Variants in NTM observed in about 807,000 individuals in gnomAD.
The protein encoded by NTM is neurotrimin, also known as IgLON family member 2.
Under a neutral mutation model 42.1 loss-of-function variants are expected in NTM, and 13 were observed. The ratio of observed to expected loss-of-function variants is 0.31; its 90% CI spans 0.20 to 0.49. The LOEUF (loss-of-function observed/expected upper bound fraction) is 0.49. Among genes scored for constraint, NTM ranks in the 20% least tolerant of loss-of-function variants. The pLI, the probability that NTM is intolerant of heterozygous loss-of-function variation, is 0.99. For synonymous variants in NTM, 187 were observed against 179.2 expected (o/e 1.04, Z -0.35); for missense variants, 373 against 452.8 (o/e 0.82, Z 1.60).
chr11:131,552,674 C>T (rs541601128), intron 1 of NTM, among the ~76,000 whole-genome samples: 38 of 151,934 alleles, frequency 2.5e-4, no homozygotes, highest in Middle Eastern at 3.4e-3. Context: ...AAAAATTAGC[C>T]GGGCATGGTG....
At chr11:131,619,084 C>T (rs576696229) in intron 1 of NTM, among the ~76,000 whole-genome samples, 1 of 152,266 alleles carries the variant, frequency 6.6e-6, no homozygotes, top group South Asian at 2.1e-4. Flanking sequence ...AAGAGCTCTG[C>T]CTTTGGAGGG....
intron 4 of NTM, among the ~76,000 whole-genome samples, chr11:132,295,175 A>C (rs1188670748): frequency 2.0e-5 from 3 of 152,080 alleles, no homozygotes; most frequent in African/African-American, 7.2e-5. Flanking sequence ...CACGAGAAAG[A>C]AAAACCTTAA....
chr11:131,470,247 G>A (rs1007229969), intron 1 of NTM, among the ~76,000 whole-genome samples: 3 of 152,164 alleles, frequency 2.0e-5, no homozygotes, highest in Non-Finnish European at 4.4e-5. Context: ...CATATGTACC[G>A]CTTCCAAGAG....
At chr11:132,158,675 G>A (rs1329763606) in intron 3 of NTM, among the ~76,000 whole-genome samples, 1 of 152,218 alleles carries the variant, frequency 6.6e-6, no homozygotes, top group Non-Finnish European at 1.5e-5. Flanking sequence ...AAGTGGACTT[G>A]ATCATATTTT....
At chr11:132,193,597 A>G (rs1247311894) in intron 3 of NTM, among the ~76,000 whole-genome samples, 1 of 152,046 alleles carries the variant, frequency 6.6e-6, no homozygotes, top group Non-Finnish European at 1.5e-5. Context: ...TGTCATACCT[A>G]GAAGAACTAG....
At chr11:132,052,372 G>A in intron 2 of NTM, among the ~76,000 whole-genome samples, 1 of 152,034 alleles carries the variant, frequency 6.6e-6, no homozygotes, top group African/African-American at 2.4e-5. Context: ...TCCCCCCTTA[G>A]ACAGTGATGT....
At chr11:132,080,071 AAG>A (rs1234232662) in intron 2 of NTM, among the ~76,000 whole-genome samples, 1 of 152,196 alleles carries the variant, frequency 6.6e-6, no homozygotes, top group Non-Finnish European at 1.5e-5. Flanking sequence ...GATAAATGTG[AAG>A]AGTTTCTGCA....
At chr11:131,451,537 G>A (rs1950491385) in intron 1 of NTM, among the ~76,000 whole-genome samples, 1 of 152,176 alleles carries the variant, frequency 6.6e-6, no homozygotes, top group Non-Finnish European at 1.5e-5. Context: ...TGTGGGCAGA[G>A]GGAAGCCTTC....
intron 1 of NTM, among the ~76,000 whole-genome samples, chr11:131,621,222 G>A (rs2062499747): frequency 6.6e-6 from 1 of 152,180 alleles, no homozygotes; most frequent in Non-Finnish European, 1.5e-5. Flanking sequence ...CCAGAGTCTT[G>A]CTTGTTTACA....
At chr11:131,468,897 G>A (rs1952151984) in intron 1 of NTM, among the ~76,000 whole-genome samples, 1 of 152,246 alleles carries the variant, frequency 6.6e-6, no homozygotes, top group African/African-American at 2.4e-5. Context: ...CATCCTAGCT[G>A]AGCCTGGACC....
intron 1 of NTM, among the ~76,000 whole-genome samples, chr11:131,613,786 G>A (rs772088331): frequency 7.2e-5 from 11 of 152,050 alleles, no homozygotes; most frequent in Non-Finnish European, 1.5e-4. Context: ...CACACAGCCC[G>A]TAAGATCTGA....
At chr11:131,724,538 A>G (rs2078734375) in intron 1 of NTM, among the ~76,000 whole-genome samples, 1 of 152,034 alleles carries the variant, frequency 6.6e-6, no homozygotes, top group Admixed American at 6.6e-5. Flanking sequence ...AGAGCCCAGA[A>G]CCCTGTTGAA....
At chr11:131,502,675 C>A (rs1343049716) in intron 1 of NTM, 1 of 152,206 alleles carries the variant, frequency 6.6e-6, no homozygotes, top group Non-Finnish European at 1.5e-5. Flanking sequence ...ACATGTCAGG[C>A]ATTTGCTTGT....
rs148699196 is a variant in NTM, at chr11:132,176,722, GT to G, written c.400+30232del. ...TCCTAGTTGAGTATACATGCCTAAA[GT>G]TTTTTTTTTTTTTTTTTTTTTTTAG... is the stretch of plus-strand genomic sequence containing the variant. On this transcript the variant is annotated intron_variant, in intron 3 of 8. Transcript: ENST00000683400. 7.6e-3 allele frequency among the ~76,000 whole-genome samples: 625 copies of G among 81,978 alleles called. 4 individuals carry two copies. Among genetic ancestry groups the G allele is most frequent in the African/African-American group, 0.028 (590 of 20,826 alleles). 53.8% of individuals were successfully genotyped at this position (81,978 alleles called of 152,430 possible).
At chr11:131,943,358 A>G (rs946705588) in intron 2 of NTM, among the ~76,000 whole-genome samples, 11 of 152,220 alleles carry the variant, frequency 7.2e-5, no homozygotes, top group Admixed American at 3.3e-4. Flanking sequence ...GGGTGGCTAG[A>G]GGTCAGTCCC....
chr11:131,654,129 G>T (rs2658807), intron 1 of NTM, among the ~76,000 whole-genome samples: 1 of 152,190 alleles, frequency 6.6e-6, no homozygotes, highest in African/African-American at 2.4e-5. Flanking sequence ...CTCAGGAGGA[G>T]GTTTGGTGGG....
intron 1 of NTM, among the ~76,000 whole-genome samples, chr11:131,777,836 T>G (rs1482274334): frequency 2.6e-5 from 4 of 152,304 alleles, no homozygotes; most frequent in African/African-American, 9.6e-5. Context: ...AGAAACACTG[T>G]AGATTTTACA....
At chr11:131,867,685 T>C (rs570853542) in intron 1 of NTM, among the ~76,000 whole-genome samples, 2 of 152,216 alleles carry the variant, frequency 1.3e-5, no homozygotes, top group East Asian at 1.9e-4. Flanking sequence ...TTCATATGTA[T>C]GTCTGTGTGT....
intron 2 of NTM, among the ~76,000 whole-genome samples, chr11:131,913,009 ACTC>A (rs1435710364): frequency 4.6e-5 from 7 of 151,918 alleles, no homozygotes; most frequent in South Asian, 2.1e-4. Flanking sequence ...GCTCTGGTGA[ACTC>A]CTAGTTATTT....
Sources: gnomAD v4.1 joint callset for allele counts (sites outside exome capture counted in the v4.1 genomes callset) on GRCh38, gnomAD v4.1.1 for gene constraint, MANE v1.5 for transcripts, NCBI Gene and HGNC (gene_info 2026-07-23, HGNC 2026-07-21) for gene names.